The following CHST9 variants were observed in gnomAD, a reference collection of about 807,000 sequenced individuals.
The protein encoded by CHST9 is GalNAc-4-sulfotransferase 2.
CHST9 carries 41 observed loss-of-function variants against 44.4 expected under a neutral mutation model. The observed-to-expected ratio is 0.92, with a 90% confidence interval of 0.72 to 1.20. The LOEUF is 1.20. Ranked by LOEUF, CHST9 falls within the 50% of genes most tolerant of loss-of-function variation. The pLI is 0.00. For missense variants in CHST9, 504 were observed against 516.5 expected (o/e 0.98, Z 0.23); for synonymous variants, 171 against 178.4 (o/e 0.96, Z 0.33).
At chr18:27,065,754 A>C (rs2143630852) in intron 2 of CHST9, among the ~76,000 whole-genome samples, 1 of 152,290 alleles carries the variant, frequency 6.6e-6, no homozygotes, top group East Asian at 1.9e-4. Context: ...GGAAACGAAA[A>C]GAAAATACTT....
chr18:26,920,466 G>A (rs1169525963), intron 5 of CHST9, among the ~76,000 whole-genome samples: 1 of 152,062 alleles, frequency 6.6e-6, no homozygotes, highest in African/African-American at 2.4e-5. Flanking sequence ...ATCACACTGA[G>A]AAATGATTTT....
intron 4 of CHST9, among the ~76,000 whole-genome samples, chr18:26,979,644 A>G (rs1027669179): frequency 1.3e-5 from 2 of 152,096 alleles, no homozygotes; most frequent in Admixed American, 6.6e-5. Flanking sequence ...TTAATTGTCT[A>G]TATTTGTCAT....
chr18:27,164,947 C>T (rs1212411439), intron 1 of CHST9, among the ~76,000 whole-genome samples: 1 of 152,160 alleles, frequency 6.6e-6, no homozygotes, highest in Non-Finnish European at 1.5e-5. Flanking sequence ...CTCAAAATAT[C>T]TACCTCTCGG....
chr18:26,923,137 A>C (rs1424824119), intron 5 of CHST9, among the ~76,000 whole-genome samples: 1 of 152,200 alleles, frequency 6.6e-6, no homozygotes, highest in Admixed American at 6.5e-5. Flanking sequence ...TACAGTTGGT[A>C]TTCTCATAGG....
At chr18:26,986,453 T>C (rs1386689214) in intron 4 of CHST9, among the ~76,000 whole-genome samples, 1 of 152,156 alleles carries the variant, frequency 6.6e-6, no homozygotes, top group African/African-American at 2.4e-5. Flanking sequence ...CAGACAACTT[T>C]AAGCAGCCTA....
intron 1 of CHST9, among the ~76,000 whole-genome samples, chr18:27,184,170 G>GA (rs1015980281): frequency 6.6e-6 from 1 of 152,138 alleles, no homozygotes; most frequent in Non-Finnish European, 1.5e-5. Flanking sequence ...ATAATAGGGA[G>GA]AAAAAAGTCA....
intron 2 of CHST9, among the ~76,000 whole-genome samples, chr18:27,108,008 G>A (rs1422304906): frequency 3.9e-5 from 6 of 152,138 alleles, no homozygotes; most frequent in Non-Finnish European, 7.4e-5. Context: ...CAGTTTCTCA[G>A]AAATGAGTCT....
intron 4 of CHST9, among the ~76,000 whole-genome samples, chr18:27,003,257 G>C (rs184722818): frequency 2.0e-5 from 3 of 152,220 alleles, no homozygotes; most frequent in Admixed American, 2.0e-4. Context: ...CTGATGATGT[G>C]TAGACTTTCC....
At chr18:27,069,799 A>T (rs2057820008) in intron 2 of CHST9, among the ~76,000 whole-genome samples, 1 of 152,204 alleles carries the variant, frequency 6.6e-6, no homozygotes, top group African/African-American at 2.4e-5. Flanking sequence ...ACCTAAACTG[A>T]ATTGAGCACC....
At chr18:27,176,554 G>A (rs970209992) in intron 1 of CHST9, among the ~76,000 whole-genome samples, 1 of 152,014 alleles carries the variant, frequency 6.6e-6, no homozygotes, top group Non-Finnish European at 1.5e-5. Context: ...CAGAGATCAG[G>A]AGTTTGATTT....
chr18:27,022,158 T>C (rs1465885452), intron 4 of CHST9, among the ~76,000 whole-genome samples: 1 of 152,224 alleles, frequency 6.6e-6, no homozygotes, highest in African/African-American at 2.4e-5. Flanking sequence ...AGAGGGGTTA[T>C]GTGACCTACC....
intron 5 of CHST9, among the ~76,000 whole-genome samples, chr18:26,942,475 G>C (rs1418178929): frequency 6.6e-6 from 1 of 152,130 alleles, no homozygotes; most frequent in African/African-American, 2.4e-5. Flanking sequence ...TATGGCATCA[G>C]ATCAATATTT....
chr18:26,930,763 T>C (rs1458805658), intron 5 of CHST9: 1 of 153,642 alleles, frequency 6.5e-6, no homozygotes, highest in Non-Finnish European at 1.5e-5. Flanking sequence ...TGGTGTAGAA[T>C]GAGTTCCTCT....
chr18:27,122,281 C>T (rs77293315), intron 2 of CHST9, among the ~76,000 whole-genome samples: 2,053 of 152,278 alleles, frequency 0.013, 24 homozygotes, highest in Middle Eastern at 0.038. Context: ...TCTGTTCTTT[C>T]CACTAAATGA....
At chr18:27,121,708 T>C (rs925054727) in intron 2 of CHST9, among the ~76,000 whole-genome samples, 1 of 151,988 alleles carries the variant, frequency 6.6e-6, no homozygotes, top group Non-Finnish European at 1.5e-5. Context: ...TGGAGGAAAG[T>C]AGAGTCAAGA....
At chr18:27,029,429 ATGG>A (rs1284600773) in intron 3 of CHST9, among the ~76,000 whole-genome samples, 2 of 152,120 alleles carry the variant, frequency 1.3e-5, no homozygotes, top group Non-Finnish European at 2.9e-5. Flanking sequence ...CCATGATGCA[ATGG>A]TCCCATGGGG....
At chr18:27,037,941 G>T (rs11660381) in intron 3 of CHST9, among the ~76,000 whole-genome samples, 58,208 of 151,580 alleles carry the variant, frequency 0.38, 11,738 homozygotes, top group East Asian at 0.49. Context: ...TATATTAAAT[G>T]CTTCTTCAGA....
chr18:27,178,356 G>T (rs780973223), intron 1 of CHST9, among the ~76,000 whole-genome samples: 11 of 151,854 alleles, frequency 7.2e-5, no homozygotes, highest in Non-Finnish European at 1.5e-4. Context: ...TCTTTAAAAA[G>T]AATAATATAT....
At chr18:27,025,968 A>C (rs2057280902) in intron 3 of CHST9, among the ~76,000 whole-genome samples, 1 of 152,176 alleles carries the variant, frequency 6.6e-6, no homozygotes, top group African/African-American at 2.4e-5. Flanking sequence ...TATTCAAAAA[A>C]TCTGCTTCTT....
Sources: allele counts gnomAD v4.1 joint callset (sites outside exome capture counted in the v4.1 genomes callset), GRCh38; gene constraint gnomAD v4.1.1; transcripts MANE v1.5; gene names NCBI Gene and HGNC (gene_info 2026-07-23, HGNC 2026-07-21).